Variants in CSPP1 observed in about 807,000 individuals in gnomAD.
The protein encoded by CSPP1 is centrosome and spindle pole associated protein 1.
CSPP1 carries 126 observed loss-of-function variants against 164.4 expected under a neutral mutation model. The ratio of observed to expected loss-of-function variants is 0.77; its 90% confidence interval spans 0.66 to 0.89. The LOEUF (loss-of-function observed/expected upper bound fraction) is 0.89. CSPP1 is among the 40% of genes least tolerant of loss of function. The probability of loss-of-function intolerance (pLI) is 0.00; values close to 1 mark genes in which losing one functional copy is unlikely to be tolerated. For synonymous variants in CSPP1, 472 were observed against 476.7 expected (o/e 0.99, Z 0.13); for missense variants, 1,395 against 1,449.8 (o/e 0.96, Z 0.61).
In CSPP1 at chr8:67,095,328, A is replaced by C. The variant is rs754709551; in HGVS notation, c.519A>C (p.Gln173His). ...KSQRNKKPIG[Q>H]VKPDLTSQIQ... ...AGAGAAATAAAAAACCTATTGGTCA[A>C]GTTAAGCCTGATCTAACTTCACAAA... Residue 173 changes from glutamine (Q) to histidine (H), a missense_variant, in exon 7 of 31, where the codon CAA becomes CAC. Coordinates refer to ENST00000678616, the MANE Select transcript of CSPP1 (RefSeq NM_001382391.1). The C allele has an allele frequency of 1.3e-6, 2 of 1,594,806 alleles. No homozygotes were observed. Among genetic ancestry groups the C allele is most frequent in the Non-Finnish European group, 1.7e-6 (2 of 1,175,080 alleles).
chr8:67,176,740 A>G (rs1248191733), intron 26 of CSPP1, among the ~76,000 whole-genome samples: 1 of 152,066 alleles, frequency 6.6e-6, no homozygotes, highest in Non-Finnish European at 1.5e-5. Context: ...CCACTCCCCA[A>G]CTTCCAGTAG....
At chr8:67,194,064 C>T (rs201847681) in intron 30 of CSPP1, among the ~76,000 whole-genome samples, 8 of 118,094 alleles carry the variant, frequency 6.8e-5, no homozygotes, top group Non-Finnish European at 1.3e-4. Flanking sequence ...TAAAGCTAGT[C>T]GTCTCCTCAT....
At chr8:67,068,959 T>C (rs1039053312) in intron 1 of CSPP1, 4 of 152,202 alleles carry the variant, frequency 2.6e-5, no homozygotes, top group African/African-American at 9.7e-5. Flanking sequence ...TCCCCCTATA[T>C]TTTAGATTTA....
chr8:67,082,391 C>G (rs934493780), intron 3 of CSPP1, among the ~76,000 whole-genome samples: 1 of 152,094 alleles, frequency 6.6e-6, no homozygotes, highest in African/African-American at 2.4e-5. Flanking sequence ...TAGGTTTATC[C>G]TATTGTAAAC....
chr8:67,175,807 C>T (rs1002447615), intron 26 of CSPP1, among the ~76,000 whole-genome samples: 4 of 152,196 alleles, frequency 2.6e-5, no homozygotes, highest in African/African-American at 7.2e-5. Flanking sequence ...CCATGTCAGG[C>T]ATTTGTCTAC....
At chr8:67,089,071 A>G (rs1585971012) in intron 4 of CSPP1, among the ~76,000 whole-genome samples, 1 of 151,936 alleles carries the variant, frequency 6.6e-6, no homozygotes, top group East Asian at 1.9e-4. Context: ...TGAAATATGT[A>G]TGGTTTCCAA....
rs535757239 is a variant in CSPP1, at chr8:67,099,925, T to A, written c.924-3112T>A. 2.1e-4 allele frequency among the ~76,000 whole-genome samples: 32 copies of A among 152,064 alleles called. No individual in the cohort carries two copies. In the East Asian group the frequency reaches 2.9e-3, roughly 14 times the overall value. On this transcript the variant is annotated intron_variant, in intron 7 of 30. Transcript: ENST00000678616. ...TTTTTTAGGTCTTACATTGGTAATT[T>A]AAAAAAAATTATAAAATCTGTATTT...
intron 19 of CSPP1, among the ~76,000 whole-genome samples, chr8:67,156,484 A>T (rs1039229777): frequency 4.6e-5 from 7 of 152,192 alleles, no homozygotes; most frequent in Admixed American, 3.9e-4. Context: ...GATTGCTTTC[A>T]GATGATGATT....
At chr8:67,159,844 TTCTTTCTTTTTC>T (rs1306950616) in intron 21 of CSPP1, among the ~76,000 whole-genome samples, 7 of 122,848 alleles carry the variant, frequency 5.7e-5, no homozygotes, top group Middle Eastern at 3.8e-3. Flanking sequence ...CTTTCTTTCT[TTCTTTCTTTTTC>T]TTTCTTTCTT....
At chr8:67,133,584 T>C (rs892110205) in intron 16 of CSPP1, 1 of 152,288 alleles carries the variant, frequency 6.6e-6, no homozygotes, top group Admixed American at 6.5e-5. Context: ...GCCTCAATGT[T>C]GATGGCTGCT....
At chr8:67,100,806 A>AT (rs1563554605) in intron 7 of CSPP1, among the ~76,000 whole-genome samples, 12 of 148,356 alleles carry the variant, frequency 8.1e-5, no homozygotes, top group African/African-American at 2.7e-4. Flanking sequence ...TATATATATA[A>AT]ATAAAGATTA....
intron 28 of CSPP1, among the ~76,000 whole-genome samples, chr8:67,182,587 A>C (rs1833328978): frequency 6.6e-6 from 1 of 152,196 alleles, no homozygotes; most frequent in Non-Finnish European, 1.5e-5. Flanking sequence ...CAGCTGTACC[A>C]TTTTACATTC....
chr8:67,172,682 T>G, intron 25 of CSPP1, 127 bp downstream of exon 25: 1 of 850,004 alleles, frequency 1.2e-6, no homozygotes, highest in Non-Finnish European at 1.7e-6. Context: ...TTAGTTAAAA[T>G]GAAATGAAAC....
intron 28 of CSPP1, among the ~76,000 whole-genome samples, chr8:67,189,460 A>T (rs1563795030): frequency 6.6e-6 from 1 of 152,248 alleles, no homozygotes; most frequent in Non-Finnish European, 1.5e-5. Flanking sequence ...AACCATGAAA[A>T]GGCATGGAAG....
intron 17 of CSPP1, among the ~76,000 whole-genome samples, chr8:67,147,054 T>G (rs1824730276): frequency 6.6e-6 from 1 of 152,384 alleles, no homozygotes; most frequent in East Asian, 1.9e-4. Context: ...TAAATCTTAA[T>G]AATTATGTAC....
chr8:67,143,705 A>C (rs1436152021), intron 17 of CSPP1, among the ~76,000 whole-genome samples: 2 of 152,150 alleles, frequency 1.3e-5, no homozygotes, highest in Non-Finnish European at 2.9e-5. Context: ...ATGTTACATT[A>C]AAAAATTTTT....
In CSPP1 at chr8:67,076,538, G is replaced by A; in HGVS notation, c.156G>A (p.Lys52=). The change falls in exon 3 of 31, where the codon AAG becomes AAA. Residue 52 remains lysine, a synonymous_variant. Transcript: ENST00000678616. ...GTAAGATACTGATCTCTATGGCTAA[G>A]GAAAACATACCACCAAATAGTCAAC... The part of the protein sequence containing the change: ...ENSKILISMA[K]ENIPPNSQQT... 6.2e-7 allele frequency: 1 copy of A among 1,603,146 alleles called. No homozygotes were observed. Among genetic ancestry groups the A allele is most frequent in the Non-Finnish European group, 8.5e-7 (1 of 1,175,226 alleles).
At chr8:67,142,739 A>G (rs2129556314) in intron 17 of CSPP1, among the ~76,000 whole-genome samples, 1 of 152,338 alleles carries the variant, frequency 6.6e-6, no homozygotes, top group Non-Finnish European at 1.5e-5. Flanking sequence ...AAACTGCCAG[A>G]ACATTCTCCA....
chr8:67,154,367 AT>A (rs1271392393), intron 19 of CSPP1, among the ~76,000 whole-genome samples: 3 of 151,688 alleles, frequency 2.0e-5, no homozygotes, highest in Non-Finnish European at 4.4e-5. Flanking sequence ...TAAATAATTA[AT>A]TTTTTTTATT....
Sources: allele counts gnomAD v4.1 joint callset (sites outside exome capture counted in the v4.1 genomes callset), GRCh38; gene constraint gnomAD v4.1.1; transcripts MANE v1.5; gene names NCBI Gene and HGNC (gene_info 2026-07-23, HGNC 2026-07-21).